The following CNTNAP2 variants were observed in gnomAD, a reference collection of about 807,000 sequenced individuals.
CNTNAP2 encodes the protein contactin-associated protein-like 2.
A neutral mutation model predicts 155.2 loss-of-function variants in CNTNAP2; 98 were observed. The observed-to-expected ratio is 0.63, with a 90% confidence interval of 0.54 to 0.75. The LOEUF is 0.75. CNTNAP2 is among the 30% of genes least tolerant of loss of function. CNTNAP2 has a pLI of 0.00. For synonymous variants in CNTNAP2, 651 were observed against 631.2 expected, an observed-to-expected ratio of 1.03 and a Z score of -0.47; for missense variants, 1,727 against 1,688.1, an observed-to-expected ratio of 1.02 and a Z score of -0.40.
intron 3 of CNTNAP2, among the ~76,000 whole-genome samples, chr7:146,944,663 G>C (rs1797123104): frequency 6.6e-6 from 1 of 152,052 alleles, no homozygotes; most frequent in South Asian, 2.1e-4. Context: ...CGGATCACGA[G>C]GTCATGAGAT....
chr7:146,671,021 GA>G (rs1800294621), intron 1 of CNTNAP2, among the ~76,000 whole-genome samples: 2 of 152,214 alleles, frequency 1.3e-5, no homozygotes, highest in Non-Finnish European at 2.9e-5. Context: ...TAAACACAAC[GA>G]ACTTCAAAGG....
intron 21 of CNTNAP2, among the ~76,000 whole-genome samples, chr7:148,284,245 G>T (rs185487137): frequency 5.3e-5 from 8 of 152,274 alleles, no homozygotes; most frequent in Admixed American, 2.0e-4. Flanking sequence ...GGAGGGACCC[G>T]ATGGGAGATA....
Position 147,419,168 on chromosome 7 carries a change from CA to C in CNTNAP2, c.1670+23389del, listed in dbSNP as rs922984947. Among the ~76,000 whole-genome samples, 75 of 152,290 alleles carry C rather than the reference CA, an allele frequency of 4.9e-4. No individual in the cohort carries two copies. The Middle Eastern group carries it at 0.01, about 21-fold the overall frequency. ...TAAGAGCCACTGAAGTGTACGGTTT[CA>C]GAGTGAATGTTTGTTTCCCAGGGAG... On this transcript the variant is annotated intron_variant, in intron 10 of 23. Transcript: ENST00000361727.
At chr7:146,393,444 A>T (rs960069480) in intron 1 of CNTNAP2, among the ~76,000 whole-genome samples, 1 of 152,164 alleles carries the variant, frequency 6.6e-6, no homozygotes, top group Non-Finnish European at 1.5e-5. Flanking sequence ...TAATGTGGCC[A>T]TGATGGTGTC....
At chr7:146,657,323 T>G (rs893095345) in intron 1 of CNTNAP2, among the ~76,000 whole-genome samples, 1 of 152,234 alleles carries the variant, frequency 6.6e-6, no homozygotes, top group East Asian at 1.9e-4. Flanking sequence ...CGCATTGATA[T>G]GGAAAGTTTG....
At chr7:147,141,889 G>A (rs1279741447) in intron 8 of CNTNAP2, among the ~76,000 whole-genome samples, 5 of 152,032 alleles carry the variant, frequency 3.3e-5, no homozygotes, top group Non-Finnish European at 7.4e-5. Flanking sequence ...ACAATACAAG[G>A]AAGATAATTC....
chr7:147,901,213 A>G (rs1444838094), intron 13 of CNTNAP2, among the ~76,000 whole-genome samples: 1 of 152,152 alleles, frequency 6.6e-6, no homozygotes, highest in Non-Finnish European at 1.5e-5. Flanking sequence ...CTCTATTAAC[A>G]TAAGAGCATC....
At chr7:146,843,642 A>T (rs1416987164) in intron 3 of CNTNAP2, among the ~76,000 whole-genome samples, 2 of 151,882 alleles carry the variant, frequency 1.3e-5, no homozygotes, top group Non-Finnish European at 2.9e-5. Context: ...ATTCTAAAAG[A>T]GTTAAAGTTC....
intron 9 of CNTNAP2, among the ~76,000 whole-genome samples, chr7:147,368,065 CTT>C (rs1435213796): frequency 1.7e-5 from 1 of 59,898 alleles, no homozygotes; most frequent in East Asian, 4.3e-4. Flanking sequence ...CTTCCTCTCT[CTT>C]TCTCTCCCTC....
rs71527884 is a variant in CNTNAP2, at chr7:148,181,741, C to CTTTTTTTTTT, written c.3010+9288_3010+9297dup. ...ATAACTTTTGTTTCAAGTGTGTGCCCTTTTTTTTTTTTTTTTTTTTTTTTT... is the reference window on the plus strand; with the variant it reads ...ATAACTTTTGTTTCAAGTGTGTGCCCTTTTTTTTTTTTTTTTTTTTTTTTTTTTTTTTTTT... On this transcript the variant is annotated intron_variant, in intron 18 of 23. Transcript: ENST00000361727. Among the ~76,000 whole-genome samples, 46 of 48,662 alleles carry CTTTTTTTTTT rather than the reference C, an allele frequency of 9.5e-4. 8 individuals carry two copies. Among genetic ancestry groups the CTTTTTTTTTT allele is most frequent in the African/African-American group, 1.7e-3 (19 of 11,008 alleles). 31.9% of individuals were successfully genotyped at this position (48,662 alleles called of 152,430 possible).
At position 147,888,580 on chromosome 7, in the gene CNTNAP2, T is replaced by G. The variant is rs546222185; in HGVS notation, c.2099-14985T>G. Among the ~76,000 whole-genome samples the G allele has an allele frequency of 4.0e-5, 6 of 151,792 alleles. No homozygotes were observed. In the South Asian group the frequency reaches 1.3e-3, roughly 32 times the overall value. Reference sequence around the variant, plus strand: ...GACCAGAACCAAAAAAACATGCAAATTAAGATTCAGATTAAGGCATCATAG... The same window carrying G: ...GACCAGAACCAAAAAAACATGCAAAGTAAGATTCAGATTAAGGCATCATAG... On this transcript the variant is annotated intron_variant, in intron 13 of 23. Coordinates refer to ENST00000361727, the MANE Select transcript of CNTNAP2 (RefSeq NM_014141.6).
intron 3 of CNTNAP2, among the ~76,000 whole-genome samples, chr7:147,037,803 T>C (rs1027418214): frequency 3.3e-5 from 5 of 152,210 alleles, no homozygotes; most frequent in Non-Finnish European, 7.3e-5. Context: ...TTAGACGTTG[T>C]TTTTATTAAA....
chr7:146,595,505 A>G (rs1256650108), intron 1 of CNTNAP2, among the ~76,000 whole-genome samples: 1 of 152,068 alleles, frequency 6.6e-6, no homozygotes, highest in Non-Finnish European at 1.5e-5. Context: ...CCACTAATTC[A>G]CAGTCTAAAA....
At chr7:147,738,589 T>C (rs145349786) in intron 13 of CNTNAP2, among the ~76,000 whole-genome samples, 105 of 152,298 alleles carry the variant, frequency 6.9e-4, no homozygotes, top group African/African-American at 2.3e-3. Flanking sequence ...TTAAGGTATG[T>C]ACATTTTCTT....
chr7:146,967,316 G>A (rs1312459745), intron 3 of CNTNAP2, among the ~76,000 whole-genome samples: 1 of 152,010 alleles, frequency 6.6e-6, no homozygotes, highest in Non-Finnish European at 1.5e-5. Context: ...CTATATTCTT[G>A]AAATAAAAGT....
At chr7:148,290,706 T>C (rs1017968659) in intron 21 of CNTNAP2, among the ~76,000 whole-genome samples, 5 of 152,198 alleles carry the variant, frequency 3.3e-5, no homozygotes, top group African/African-American at 1.2e-4. Flanking sequence ...CCTGTCGTAA[T>C]TAGACCTCCC....
At chr7:146,914,995 T>C (rs1796365925) in intron 3 of CNTNAP2, among the ~76,000 whole-genome samples, 1 of 152,170 alleles carries the variant, frequency 6.6e-6, no homozygotes, top group African/African-American at 2.4e-5. Context: ...AATTTTTGTA[T>C]AAGGTGAGAG....
At chr7:146,880,099 C>A (rs2129209115) in intron 3 of CNTNAP2, among the ~76,000 whole-genome samples, 1 of 152,110 alleles carries the variant, frequency 6.6e-6, no homozygotes, top group Middle Eastern at 3.4e-3. Context: ...GGAATTATGG[C>A]AGCTAAAATT....
At chr7:146,618,915 C>G (rs1248770012) in intron 1 of CNTNAP2, among the ~76,000 whole-genome samples, 2 of 151,698 alleles carry the variant, frequency 1.3e-5, no homozygotes, top group African/African-American at 2.4e-5. Flanking sequence ...ACTAAAGATA[C>G]AAAAATTAGC....
Sources: allele counts gnomAD v4.1 joint callset (sites outside exome capture counted in the v4.1 genomes callset), GRCh38; gene constraint gnomAD v4.1.1; transcripts MANE v1.5; gene names NCBI Gene and HGNC (gene_info 2026-07-23, HGNC 2026-07-21).